The following SCML4 variants were observed in gnomAD, a reference collection of about 807,000 sequenced individuals.
The protein encoded by SCML4 is Scm polycomb group protein like 4, also known as sex comb on midleg-like protein 4.
SCML4 carries 34 observed loss-of-function variants against 41.1 expected under a neutral mutation model. The ratio of observed to expected loss-of-function variants is 0.83; its 90% CI spans 0.63 to 1.10. SCML4 has a LOEUF of 1.10. Ranked by LOEUF, SCML4 falls within the 50% of genes least tolerant of loss-of-function variation. SCML4 has a pLI of 0.00. For synonymous variants in SCML4, 214 were observed against 220.9 expected, an observed-to-expected ratio of 0.97 and a Z score of 0.28; for missense variants, 522 against 534.1, an observed-to-expected ratio of 0.98 and a Z score of 0.22.
rs141500075 is a variant in SCML4, at chr6:107,766,883, G to A, written c.156+5289C>T. ...ATCCATACCTACCATCAGCAAGAGA[G>A]GGACCCTGGAAAGAGACACAGGAAG... On this transcript the variant is annotated intron_variant, in intron 2 of 7. Coordinates refer to ENST00000369020, the MANE Select transcript of SCML4 (RefSeq NM_198081.5). Among the ~76,000 whole-genome samples the A allele has an allele frequency of 3.3e-3, 495 of 152,004 alleles. 3 individuals are homozygous for A. The highest frequency in any genetic ancestry group is 0.014 in the East Asian group (70 of 5,168).
chr6:107,754,448 G>A (rs761928240), intron 2 of SCML4, among the ~76,000 whole-genome samples: 1 of 152,174 alleles, frequency 6.6e-6, no homozygotes, highest in Non-Finnish European at 1.5e-5. Context: ...CATGCACCAA[G>A]GGTCCCCTAA....
chr6:107,732,335 C>A (rs949882200), intron 5 of SCML4: 3 of 152,228 alleles, frequency 2.0e-5, no homozygotes, highest in African/African-American at 7.2e-5. Flanking sequence ...TTAAATTTTC[C>A]ATTAACTTGG....
chr6:107,725,149 T>A (rs1232548398), intron 5 of SCML4, among the ~76,000 whole-genome samples: 1 of 152,190 alleles, frequency 6.6e-6, no homozygotes, highest in Admixed American at 6.5e-5. Flanking sequence ...GACTATAGTT[T>A]ACAACAATCT....
chr6:107,812,340 C>G (rs1422208482), intron 1 of SCML4, among the ~76,000 whole-genome samples: 1 of 152,212 alleles, frequency 6.6e-6, no homozygotes, highest in African/African-American at 2.4e-5. Flanking sequence ...TCCAAACCCT[C>G]CATACCAGAG....
At chr6:107,707,449 C>T (rs1166248607) in intron 7 of SCML4, among the ~76,000 whole-genome samples, 1 of 152,154 alleles carries the variant, frequency 6.6e-6, no homozygotes, top group Non-Finnish European at 1.5e-5. Flanking sequence ...GAAGGCTATC[C>T]GAGTCAGGAA....
intron 1 of SCML4, among the ~76,000 whole-genome samples, chr6:107,792,252 A>G (rs1048554576): frequency 6.6e-6 from 1 of 152,218 alleles, no homozygotes; most frequent in Non-Finnish European, 1.5e-5. Context: ...CTCCAGTGGC[A>G]TGCCACAGGT....
chr6:107,799,631 C>G (rs1049193910), intron 1 of SCML4, among the ~76,000 whole-genome samples: 1 of 152,020 alleles, frequency 6.6e-6, no homozygotes, highest in African/African-American at 2.4e-5. Flanking sequence ...CCTTTTTTCT[C>G]TTTTCCTGCC....
At chr6:107,724,454 A>G (rs1775752676) in intron 5 of SCML4, among the ~76,000 whole-genome samples, 1 of 152,230 alleles carries the variant, frequency 6.6e-6, no homozygotes, top group Non-Finnish European at 1.5e-5. Flanking sequence ...ATACAAGATC[A>G]ATGTGCAAAA....
At chr6:107,839,927 A>T in the SCML4 span, among the ~76,000 whole-genome samples, 1 of 152,092 alleles carries the variant, frequency 6.6e-6, no homozygotes, top group Non-Finnish European at 1.5e-5. Context: ...TGTAATTTTT[A>T]AAATATATAA....
rs1335396831 is a variant in SCML4, at chr6:107,707,906, G to A, written c.1079C>T (p.Pro360Leu). The change falls in exon 7 of 8, where the codon CCA becomes CTA. Residue 360 changes from proline (P) to leucine (L), a missense_variant. By Grantham distance (98) the Pro-to-Leu change is moderately conservative. Coordinates refer to ENST00000369020, the MANE Select transcript of SCML4 (RefSeq NM_198081.5). Reference protein sequence around the residue: ...DVVWFVKDADPQALGPHVELF... With the variant: ...DVVWFVKDADLQALGPHVELF... ...CTCCACGTGAGGCCCCAGAGCCTGT[G>A]GGTCGGCGTCCTTCACAAACCACAC... 3.2e-6 allele frequency: 5 copies of A among 1,551,544 alleles called. No homozygotes were observed. Among genetic ancestry groups the A allele is most frequent in the South Asian group, 1.2e-5 (1 of 84,054 alleles).
chr6:107,771,110 G>A (rs1003007935), intron 2 of SCML4, among the ~76,000 whole-genome samples: 1 of 152,116 alleles, frequency 6.6e-6, no homozygotes, highest in Non-Finnish European at 1.5e-5. Context: ...TAAAACCAAT[G>A]ACCCCACAAT....
Position 107,724,081 on chromosome 6 carries a change from G to A in SCML4, c.683-3088C>T, listed in dbSNP as rs760913397. Among the ~76,000 whole-genome samples the A allele has an allele frequency of 5.3e-5, 8 of 152,108 alleles. No individual in the cohort carries two copies. The South Asian group carries it at 1.7e-3, about 32-fold the overall frequency. On this transcript the variant is annotated intron_variant, in intron 5 of 7. Coordinates refer to ENST00000369020, the MANE Select transcript of SCML4 (RefSeq NM_198081.5). Reference sequence around the variant, plus strand: ...AGATCACACAATCACCTCAACAGATGCAGAAAAACATTTGACAAAATCCAA... The same window carrying A: ...AGATCACACAATCACCTCAACAGATACAGAAAAACATTTGACAAAATCCAA...
At chr6:107,822,440 T>G (rs906939824) in intron 1 of SCML4, among the ~76,000 whole-genome samples, 1 of 152,108 alleles carries the variant, frequency 6.6e-6, no homozygotes, top group African/African-American at 2.4e-5. Flanking sequence ...AAAAGCAACT[T>G]ACTCGTTTCG....
chr6:107,795,489 C>T (rs1231667588), intron 1 of SCML4, among the ~76,000 whole-genome samples: 2 of 152,066 alleles, frequency 1.3e-5, no homozygotes, highest in Admixed American at 6.5e-5. Context: ...GTAACTCATT[C>T]CCTAATCAAA....
intron 6 of SCML4, among the ~76,000 whole-genome samples, chr6:107,718,293 AAGGGG>A (rs1308417711): frequency 6.6e-6 from 1 of 152,144 alleles, no homozygotes; most frequent in Non-Finnish European, 1.5e-5. Flanking sequence ...TGGTCTTATA[AAGGGG>A]AGTTCCCTTG....
intron 7 of SCML4, among the ~76,000 whole-genome samples, chr6:107,707,306 TCAAACAAAAA>T (rs1274274664): frequency 2.0e-5 from 3 of 152,256 alleles, no homozygotes; most frequent in East Asian, 1.9e-4. Flanking sequence ...AGACTCCGTC[TCAAACAAAAA>T]CAAACAAAAA....
chr6:107,798,982 C>T lies in SCML4; in HGVS notation c.-60+25144G>A, dbSNP rs1782908719. 2.6e-5 allele frequency among the ~76,000 whole-genome samples: 4 copies of T among 152,170 alleles called. No individual in the cohort carries two copies. The South Asian group carries it at 8.3e-4, about 32-fold the overall frequency. On this transcript the variant is annotated intron_variant, in intron 1 of 7. Transcript: ENST00000369020. ...AAATGTATTGAGACTTGTTTTATGG[C>T]CCAGCTTATTGTCTATGTTGGTGAA...
At chr6:107,825,936 C>CA (rs71015515), upstream of SCML4, among the ~76,000 whole-genome samples, 29,738 of 62,480 alleles carry the variant, frequency 0.48, 8,164 homozygotes, top group East Asian at 0.75. Context: ...GACTCCATCT[C>CA]AAAAAAAAAA....
At chr6:107,748,289 C>G (rs1034939143) in intron 3 of SCML4, among the ~76,000 whole-genome samples, 1 of 152,192 alleles carries the variant, frequency 6.6e-6, no homozygotes, top group South Asian at 2.1e-4. Flanking sequence ...AGCATCTTAC[C>G]TTAGAGGCCA....
Sources: allele counts gnomAD v4.1 joint callset (sites outside exome capture counted in the v4.1 genomes callset), GRCh38; gene constraint gnomAD v4.1.1; transcripts MANE v1.5; gene names NCBI Gene and HGNC (gene_info 2026-07-23, HGNC 2026-07-21).